The following JMJD1C variants were observed in gnomAD, a reference collection of about 807,000 sequenced individuals.
JMJD1C encodes jumonji domain containing 1C, also known as jumonji domain-containing protein 1C.
A neutral mutation model predicts 245.3 loss-of-function variants in JMJD1C; 31 were observed. That is an observed-to-expected ratio of 0.13 (90% CI 0.09 to 0.17). The LOEUF is 0.17. Ranked by LOEUF, JMJD1C falls within the 10% of genes least tolerant of loss-of-function variation. The probability of loss-of-function intolerance (pLI) is 1.00; values close to 1 mark genes in which losing one functional copy is unlikely to be tolerated. For synonymous variants in JMJD1C, 1,057 were observed against 1,017.4 expected (o/e 1.04, Z -0.74); for missense variants, 2,691 against 3,000.2 (o/e 0.90, Z 2.41).
chr10:63,215,225 T>C, intron 7 of JMJD1C, 38 bp downstream of exon 7: 2 of 1,558,612 alleles, frequency 1.3e-6, no homozygotes, highest in Admixed American at 1.9e-5. Flanking sequence ...TTTTGTTTTA[T>C]TTGTTTTCAT....
Position 63,380,305 on chromosome 10 carries a change from G to A in JMJD1C, c.333+13C>T, listed in dbSNP as rs756760166. On this transcript the variant is annotated intron_variant, in intron 2 of 25. Transcript: ENST00000399262. Reference sequence around the variant, plus strand: ...CAAATGAAAATGCTTAATGAAACAGGAATAGATCTTACCAATGCAGGCCAC... The same window carrying A: ...CAAATGAAAATGCTTAATGAAACAGAAATAGATCTTACCAATGCAGGCCAC... 1.2e-6 allele frequency: 2 copies of A among 1,612,368 alleles called. No homozygotes were observed. Among genetic ancestry groups the A allele is most frequent in the Non-Finnish European group, 8.5e-7 (1 of 1,178,584 alleles).
chr10:63,408,565 T>C (rs1475951892), intron 1 of JMJD1C, among the ~76,000 whole-genome samples: 1 of 152,084 alleles, frequency 6.6e-6, no homozygotes, highest in African/African-American at 2.4e-5. Context: ...TGGAAGTCAC[T>C]GATTAATGCT....
intron 1 of JMJD1C, among the ~76,000 whole-genome samples, chr10:63,495,838 G>A (rs938236559): frequency 9.2e-5 from 14 of 151,402 alleles, no homozygotes; most frequent in African/African-American, 2.2e-4. Flanking sequence ...GTATACCTCA[G>A]TGTAACAAAA....
intron 1 of JMJD1C, among the ~76,000 whole-genome samples, chr10:63,480,820 G>T (rs1354251024): frequency 1.3e-5 from 2 of 151,952 alleles, no homozygotes; most frequent in Admixed American, 1.3e-4. Context: ...TACAAAGGAA[G>T]AAAAAGTTCC....
At chr10:63,460,504 G>A (rs1033010538) in intron 1 of JMJD1C, among the ~76,000 whole-genome samples, 3 of 152,170 alleles carry the variant, frequency 2.0e-5, no homozygotes, top group African/African-American at 7.2e-5. Context: ...GGGTAACAGA[G>A]CAAGACCCTG....
chr10:63,429,307 T>C (rs908289763), intron 1 of JMJD1C, among the ~76,000 whole-genome samples: 1 of 151,330 alleles, frequency 6.6e-6, no homozygotes, highest in Non-Finnish European at 1.5e-5. Context: ...TCAGGGGGAA[T>C]AGCACCTCAA....
chr10:63,356,719 A>C (rs533139809), intron 2 of JMJD1C, among the ~76,000 whole-genome samples: 62 of 152,344 alleles, frequency 4.1e-4, no homozygotes, highest in African/African-American at 1.5e-3. Flanking sequence ...AGAAGGAAGC[A>C]AAGTGAGGCA....
At chr10:63,247,994 C>T (rs761379089) in intron 3 of JMJD1C, among the ~76,000 whole-genome samples, 9 of 151,572 alleles carry the variant, frequency 5.9e-5, no homozygotes, top group African/African-American at 9.7e-5. Context: ...TGTGGGAAGC[C>T]GAGGTAGTGG....
chr10:63,389,397 T>C (rs559846953), intron 1 of JMJD1C, among the ~76,000 whole-genome samples: 5 of 150,440 alleles, frequency 3.3e-5, no homozygotes, highest in Non-Finnish European at 5.9e-5. Flanking sequence ...CAACCCACTC[T>C]TAGCATTAGG....
chr10:63,487,027 T>G (rs1014005913), intron 1 of JMJD1C, among the ~76,000 whole-genome samples: 2 of 152,238 alleles, frequency 1.3e-5, no homozygotes, highest in Non-Finnish European at 2.9e-5. Context: ...AGTTCATGGT[T>G]GGCATCACAA....
Position 63,208,933 on chromosome 10 carries a change from T to C in JMJD1C, c.2867+130A>G, listed in dbSNP as rs1846987108. The C allele has an allele frequency of 9.4e-6, 10 of 1,066,582 alleles. No individual in the cohort carries two copies. In the South Asian group the frequency reaches 1.2e-4, roughly 13 times the overall value. The allele number at this position is 1,066,582 out of a possible 1,614,324, so 66.1% of individuals were successfully genotyped here. Reference sequence around the variant, plus strand: ...ATGTACTCTAATACTATAATAAATTTGAAGAAATATCAAAACAGAACAAAG... The same window carrying C: ...ATGTACTCTAATACTATAATAAATTCGAAGAAATATCAAAACAGAACAAAG... On this transcript the variant is annotated intron_variant, in intron 9 of 25. Transcript: ENST00000399262.
chr10:63,447,953 AAAAG>A (rs1340653000), intron 1 of JMJD1C, among the ~76,000 whole-genome samples: 1 of 151,930 alleles, frequency 6.6e-6, no homozygotes, highest in Non-Finnish European at 1.5e-5. Flanking sequence ...AATAAAAATA[AAAAG>A]AGAGAGAGAA....
rs758687362 is a variant in JMJD1C at position 63,207,562 on chromosome 10, T to C, written c.4107A>G (p.Glu1369=). Residue 1369 remains glutamate (E), a synonymous_variant, in exon 10 of 26, where the codon GAA becomes GAG. Transcript: ENST00000399262. ...VNSDSVHTKS[E]KNFQAVSQGS... is the part of the protein sequence containing the mutation. ...CCTGTGAGACAGCCTGAAAGTTTTT[T>C]TCAGATTTTGTGTGAACACTGTCTG... 9 of 1,614,120 alleles carry C rather than the reference T, an allele frequency of 5.6e-6. No individual in the cohort carries two copies. In the South Asian group the frequency reaches 9.9e-5, roughly 18 times the overall value.
chr10:63,328,486 T>C (rs914011257), intron 2 of JMJD1C, among the ~76,000 whole-genome samples: 3 of 152,212 alleles, frequency 2.0e-5, no homozygotes, highest in African/African-American at 7.2e-5. Context: ...TAACATTATA[T>C]TTATAGACAT....
At chr10:63,254,701 T>A (rs1173024323) in intron 3 of JMJD1C, among the ~76,000 whole-genome samples, 1 of 90,286 alleles carries the variant, frequency 1.1e-5, no homozygotes, top group Non-Finnish European at 3.1e-5. Flanking sequence ...GCAAAAGTTT[T>A]TTTTGTTTTT....
At chr10:63,279,858 A>G (rs1208511266) in intron 2 of JMJD1C, among the ~76,000 whole-genome samples, 1 of 152,182 alleles carries the variant, frequency 6.6e-6, no homozygotes, top group East Asian at 1.9e-4. Context: ...GGGGGAATCA[A>G]AACTTGAATA....
intron 1 of JMJD1C, among the ~76,000 whole-genome samples, chr10:63,496,585 T>C (rs369537777): frequency 2.4e-4 from 37 of 152,372 alleles, no homozygotes; most frequent in African/African-American, 8.4e-4. Context: ...TCCATGCCAC[T>C]TGAGTCTTCT....
At chr10:63,339,556 G>A (rs1272427578) in intron 2 of JMJD1C, among the ~76,000 whole-genome samples, 1 of 152,176 alleles carries the variant, frequency 6.6e-6, no homozygotes, top group Admixed American at 6.5e-5. Flanking sequence ...GCAGGGATGG[G>A]AGGATCCCTT....
Position 63,167,756 on chromosome 10 carries a change from AAAAT to A in JMJD1C, c.*285_*288del. The A allele has an allele frequency of 4.2e-6, 1 of 240,686 alleles. No individual in the cohort carries two copies. The highest frequency in any genetic ancestry group is 8.0e-6 in the Non-Finnish European group (1 of 124,432). The allele number at this position is 240,686 out of a possible 1,614,324, so 14.9% of individuals were successfully genotyped here. ...GCATAGAATTTTTTATTTTTTACCA[AAAAT>A]AAATACATCATTTTAAATCTGGCAT... On this transcript the variant is annotated 3_prime_UTR_variant, in exon 26 of 26. Transcript: ENST00000399262.
Sources: gnomAD v4.1 joint callset for allele counts (sites outside exome capture counted in the v4.1 genomes callset) on GRCh38, gnomAD v4.1.1 for gene constraint, MANE v1.5 for transcripts, NCBI Gene and HGNC (gene_info 2026-07-23, HGNC 2026-07-21) for gene names.